The following KIF21B variants were observed in gnomAD, a reference collection of about 807,000 sequenced individuals.
KIF21B encodes kinesin-like protein KIF21B.
KIF21B carries 85 observed loss-of-function variants against 192.9 expected under a neutral mutation model. The ratio of observed to expected loss-of-function variants is 0.44; its 90% CI spans 0.37 to 0.53. KIF21B has a LOEUF of 0.53. KIF21B is among the 20% of genes least tolerant of loss of function. The pLI is 0.00. For synonymous variants in KIF21B, 832 were observed against 884.6 expected, an observed-to-expected ratio of 0.94 and a Z score of 1.05; for missense variants, 1,716 against 2,194.8, an observed-to-expected ratio of 0.78 and a Z score of 4.36.
In KIF21B at chr1:200,998,263, T is replaced by A. The variant is rs1657202434; in HGVS notation, c.2077+121A>T. 7.8e-6 allele frequency: 7 copies of A among 896,286 alleles called. No individual in the cohort carries two copies. The highest frequency in any genetic ancestry group is 8.6e-6 in the Non-Finnish European group (5 of 581,824). The allele number at this position is 896,286 out of a possible 1,614,324, so 55.5% of individuals were successfully genotyped here. ...GGGTCAAAGGACCACAGTCAAAGGT[T>A]GGGAAGTCCCTTGCCTAGAAGGCCA... is the stretch of plus-strand genomic sequence containing the variant. On this transcript the variant is annotated intron_variant, in intron 14 of 34. Coordinates refer to ENST00000461742, the MANE Select transcript of KIF21B (RefSeq NM_001252102.2). This position sits in a 1 kb window ranked among gnomAD's most constrained non-coding sequence, Gnocchi z 4.3.
chr1:201,000,102 C>T lies in KIF21B; in HGVS notation c.1686-138G>A, dbSNP rs540269150. On this transcript the variant is annotated intron_variant, in intron 11 of 34. Coordinates refer to ENST00000461742, the MANE Select transcript of KIF21B (RefSeq NM_001252102.2). The surrounding 1 kb of genome is among the most constrained non-coding windows in gnomAD (Gnocchi z 6.0). ...GCACTGGCTCCTACTCTGCAGAGAACCCCACTGCTCTTCCCTAGGGCCACC... is the reference window on the plus strand; with the variant it reads ...GCACTGGCTCCTACTCTGCAGAGAATCCCACTGCTCTTCCCTAGGGCCACC... The T allele has an allele frequency of 2.8e-5, 22 of 784,186 alleles. No homozygotes were observed. The highest frequency in any genetic ancestry group is 1.4e-4 in the African/African-American group (8 of 58,332). 48.6% of individuals were successfully genotyped at this position (784,186 alleles called of 1,614,324 possible). A position where few individuals can be genotyped will look rare whatever the true frequency, so the allele number is the denominator to read the frequency against.
rs1321513758 is a variant in KIF21B at position 200,987,240 on chromosome 1, T to C, written c.3409-39A>G. ...AACAGGGTGGATCAACTTGCCCAAA[T>C]TGCATGGCACATAAAGGGGAGCCAG... On this transcript the variant is annotated intron_variant, in intron 24 of 34. Coordinates refer to ENST00000461742, the MANE Select transcript of KIF21B (RefSeq NM_001252102.2). 3.2e-6 allele frequency: 5 copies of C among 1,567,944 alleles called. No individual in the cohort carries two copies. The African/African-American group carries it at 4.1e-5, about 13-fold the overall frequency.
At chr1:201,009,519 G>T in intron 1 of KIF21B, 31 bp from the exon 2 acceptor site, 1 of 1,595,288 alleles carries the variant, frequency 6.3e-7, no homozygotes, top group Non-Finnish European at 8.6e-7. Context: ...CCTGGGTCAG[G>T]CCCAGCTAGA....
chr1:201,001,298 A>C lies in KIF21B; in HGVS notation c.1403-518T>G, dbSNP rs148190422. The C allele has an allele frequency of 1.7e-3, 269 of 155,192 alleles. 2 individuals carry two copies. Among genetic ancestry groups the C allele is most frequent in the African/African-American group, 6.0e-3 (248 of 41,570 alleles). 9.6% of individuals were successfully genotyped at this position (155,192 alleles called of 1,614,324 possible). On this transcript the variant is annotated intron_variant, in intron 9 of 34. Transcript: ENST00000461742. The stretch of plus-strand genomic sequence containing the variant: ...ATAGCAAGAAACTGGAAACAACCTA[A>C]ATGCCCATCACTAGAAGGCTACTAT...
chr1:201,018,655 C>T (rs1456160777), intron 1 of KIF21B, among the ~76,000 whole-genome samples: 2 of 152,190 alleles, frequency 1.3e-5, no homozygotes, highest in Admixed American at 6.5e-5. Flanking sequence ...GGTTCAAATC[C>T]AGCCTCCTCC....
Position 200,991,026 on chromosome 1 carries a change from C to T in KIF21B, c.2578G>A (p.Glu860Lys). The change falls in exon 18 of 35, where the codon GAA (glutamate) becomes AAA (lysine). Residue 860 changes from glutamate (E) to lysine (K), a missense_variant. Glu to Lys is a moderately conservative substitution (Grantham distance 56). Coordinates refer to ENST00000461742, the MANE Select transcript of KIF21B (RefSeq NM_001252102.2). ...CTGGAGACAGAGCGGGCCCCTGATT[C>T]AGCCTCAGATGAGGTAGTGCTGGCC... is the stretch of plus-strand genomic sequence containing the variant. ...VSASTTSSEAESGARSVSSIV... is the reference protein window; with the variant it reads ...VSASTTSSEAKSGARSVSSIV... 6.2e-7 allele frequency: 1 copy of T among 1,614,202 alleles called. No individual in the cohort carries two copies. Among genetic ancestry groups the T allele is most frequent in the Non-Finnish European group, 8.5e-7 (1 of 1,180,054 alleles).
chr1:200,985,701 T>C (rs1380720886), intron 26 of KIF21B, among the ~76,000 whole-genome samples: 4 of 151,902 alleles, frequency 2.6e-5, no homozygotes, highest in African/African-American at 9.7e-5. Flanking sequence ...CCATTCTGCA[T>C]TGATCTCTTT....
intron 3 of KIF21B, among the ~76,000 whole-genome samples, chr1:201,006,245 TCCTGGAGAGGG>T (rs1657814808): frequency 6.6e-6 from 1 of 152,218 alleles, no homozygotes; most frequent in Non-Finnish European, 1.5e-5. Context: ...TGGCCTAGTG[TCCTGGAGAGGG>T]CCTGGTGAGA....
In KIF21B at chr1:200,970,692, G is replaced by C. The variant is rs1655170520; in HGVS notation, c.*2829C>G. 1 of 152,468 alleles carries C rather than the reference G, an allele frequency of 6.6e-6. No individual in the cohort carries two copies. The highest frequency in any genetic ancestry group is 1.5e-5 in the Non-Finnish European group (1 of 68,124). The allele number at this position is 152,468 out of a possible 1,614,324, so 9.4% of individuals were successfully genotyped here. On this transcript the variant is annotated 3_prime_UTR_variant, in exon 35 of 35. Transcript: ENST00000461742. ...CGCTCATAAGCTTCGAAAGCACAAA[G>C]TGGGGCTTGACCCAGGAGACTGGGA...
intron 26 of KIF21B, 118 bp downstream of exon 26, chr1:200,986,726 G>C: frequency 1.1e-6 from 1 of 891,434 alleles, no homozygotes; most frequent in Non-Finnish European, 1.7e-6. Context: ...GCTCAGTCAA[G>C]CTGGCCCAGG....
At position 201,017,594 on chromosome 1, in the gene KIF21B, G is replaced by A. The variant is rs1658581046; in HGVS notation, c.41+5749C>T. Among the ~76,000 whole-genome samples the A allele has an allele frequency of 6.6e-6, 1 of 152,204 alleles. No homozygotes were observed. The highest frequency in any genetic ancestry group is 1.5e-5 in the Non-Finnish European group (1 of 68,032). The stretch of plus-strand genomic sequence containing the variant: ...CTGCATCTGGTGGGGAATGGCCAGT[G>A]GGGACTGGGCCCTGGGGATGCTCCC... On this transcript the variant is annotated intron_variant, in intron 1 of 34. Coordinates refer to ENST00000461742, the MANE Select transcript of KIF21B (RefSeq NM_001252102.2). The surrounding 1 kb of genome is among the most constrained non-coding windows in gnomAD (Gnocchi z 4.1).
At chr1:201,014,416 G>C (rs1658391021) in intron 1 of KIF21B, among the ~76,000 whole-genome samples, 2 of 152,228 alleles carry the variant, frequency 1.3e-5, no homozygotes, top group Non-Finnish European at 2.9e-5. Flanking sequence ...CAGGAGGACA[G>C]GGCGGAAGGG....
Position 200,998,365 on chromosome 1 carries a change from G to T in KIF21B, c.2077+19C>A, listed in dbSNP as rs771521543. The T allele has an allele frequency of 1.2e-6, 2 of 1,601,984 alleles. No individual in the cohort carries two copies. The highest frequency in any genetic ancestry group is 1.3e-5 in the African/African-American group (1 of 74,822). ...AGGGAGGGTCCGGATGGGGTGGAGG[G>T]GCATGGCGGTGGCCTCACTGAGGTT... On this transcript the variant is annotated intron_variant, in intron 14 of 34. Coordinates refer to ENST00000461742, the MANE Select transcript of KIF21B (RefSeq NM_001252102.2). The surrounding 1 kb of genome is among the most constrained non-coding windows in gnomAD (Gnocchi z 4.3).
intron 1 of KIF21B, among the ~76,000 whole-genome samples, chr1:201,020,326 G>A (rs1658745740): frequency 6.6e-6 from 1 of 152,108 alleles, no homozygotes; most frequent in African/African-American, 2.4e-5. Flanking sequence ...CCATTTGTCA[G>A]GCCTATATCT....
chr1:201,019,740 G>T (rs564265608), intron 1 of KIF21B, among the ~76,000 whole-genome samples: 1 of 152,170 alleles, frequency 6.6e-6, no homozygotes, highest in South Asian at 2.1e-4. Context: ...CAGCCCACAT[G>T]AGGCCCTGTA....
At chr1:201,014,619 A>AC (rs1658407168) in intron 1 of KIF21B, among the ~76,000 whole-genome samples, 1 of 152,170 alleles carries the variant, frequency 6.6e-6, no homozygotes, top group South Asian at 2.1e-4. Flanking sequence ...ATGACATCAC[A>AC]CAAAGCCCAC....
intron 28 of KIF21B, 98 bp from the exon 29 acceptor site, chr1:200,981,194 G>A: frequency 7.5e-7 from 1 of 1,326,392 alleles, no homozygotes; most frequent in South Asian, 1.5e-5. Context: ...AGGGCAGGGA[G>A]GGGATGAGGA....
chr1:200,978,427 T>C (rs961082040), intron 30 of KIF21B, among the ~76,000 whole-genome samples: 2 of 151,840 alleles, frequency 1.3e-5, no homozygotes, highest in African/African-American at 2.4e-5. Context: ...AAGCACAAGA[T>C]AGAGATTTCT....
chr1:200,993,887 C>A (rs1005220334), intron 15 of KIF21B, among the ~76,000 whole-genome samples: 6 of 151,954 alleles, frequency 3.9e-5, no homozygotes, highest in African/African-American at 1.5e-4. Context: ...TGGGGTGAAT[C>A]TGCAGAGAAG....
Sources: allele counts gnomAD v4.1 joint callset (sites outside exome capture counted in the v4.1 genomes callset), GRCh38; gene constraint gnomAD v4.1.1; non-coding constraint Gnocchi (gnomAD v3.1); transcripts MANE v1.5; gene names NCBI Gene and HGNC (gene_info 2026-07-23, HGNC 2026-07-21).